SETD7: variants seen among roughly 807,000 people sequenced by gnomAD.
SETD7 encodes histone-lysine N-methyltransferase SETD7.
In SETD7, 16 loss-of-function variants were observed where a neutral mutation model predicts 41.8. The ratio of observed to expected loss-of-function variants is 0.38; its 90% CI spans 0.26 to 0.58. The LOEUF is 0.58. SETD7 is among the 20% of genes least tolerant of loss of function. The pLI, the probability that SETD7 is intolerant of heterozygous loss-of-function variation, is 0.64. For synonymous variants in SETD7, 163 were observed against 169.7 expected (o/e 0.96, Z 0.31); for missense variants, 346 against 459.7 (o/e 0.75, Z 2.26).
At chr4:139,503,179 GAAAA>G (rs11388022), downstream of SETD7, among the ~76,000 whole-genome samples, 3 of 73,160 alleles carry the variant, frequency 4.1e-5, no homozygotes, top group Admixed American at 1.8e-4. Flanking sequence ...CTCTGTCTCA[GAAAA>G]AAAAAAAAAA....
chr4:139,500,205 C>T (rs1378610277), intron 7 of SETD7, among the ~76,000 whole-genome samples: 5 of 152,082 alleles, frequency 3.3e-5, no homozygotes, highest in Non-Finnish European at 7.4e-5. Context: ...ATGCCTAATG[C>T]CATATCTCAG....
chr4:139,551,749 G>A (rs1422915784), intron 1 of SETD7, among the ~76,000 whole-genome samples: 5 of 152,078 alleles, frequency 3.3e-5, no homozygotes, highest in African/African-American at 7.2e-5. Flanking sequence ...GGCCGGGCGC[G>A]GTGGCTCATG....
intron 3 of SETD7, among the ~76,000 whole-genome samples, chr4:139,530,964 C>G (rs1445820181): frequency 6.6e-6 from 1 of 152,082 alleles, no homozygotes; most frequent in East Asian, 1.9e-4. Flanking sequence ...TCTGCTGTAT[C>G]AGGCGTCAGG....
At chr4:139,548,504 C>A (rs187701418) in intron 1 of SETD7, among the ~76,000 whole-genome samples, 295 of 152,178 alleles carry the variant, frequency 1.9e-3, no homozygotes, top group African/African-American at 6.8e-3. Flanking sequence ...TGGTGGCGGA[C>A]GTCTGTAATC....
At chr4:139,521,843 C>T (rs1727187193) in intron 5 of SETD7, among the ~76,000 whole-genome samples, 1 of 152,212 alleles carries the variant, frequency 6.6e-6, no homozygotes, top group Admixed American at 6.5e-5. Flanking sequence ...GGGGCTGTTG[C>T]TCCCTGTTTC....
At chr4:139,530,694 T>C (rs1727461794) in intron 3 of SETD7, among the ~76,000 whole-genome samples, 1 of 152,216 alleles carries the variant, frequency 6.6e-6, no homozygotes, top group Admixed American at 6.5e-5. Flanking sequence ...GTCTCACACC[T>C]TTCCCCTTAA....
intron 7 of SETD7, among the ~76,000 whole-genome samples, chr4:139,517,634 G>A (rs867378499): frequency 9.2e-5 from 14 of 152,176 alleles, no homozygotes; most frequent in East Asian, 3.9e-4. Flanking sequence ...GCAACCCCTC[G>A]GTGTGGTATA....
At chr4:139,532,805 C>A in intron 3 of SETD7, 1 of 306,730 alleles carries the variant, frequency 3.3e-6, no homozygotes, top group East Asian at 7.6e-5. Context: ...GGAAATAAAA[C>A]TAATAGCAAC....
At chr4:139,540,814 CT>C (rs1321992467) in intron 2 of SETD7, among the ~76,000 whole-genome samples, 1 of 152,176 alleles carries the variant, frequency 6.6e-6, no homozygotes, top group African/African-American at 2.4e-5. Flanking sequence ...ACAAAAGAAA[CT>C]TTTGCCGCAT....
At chr4:139,502,277 A>C (rs77778065), downstream of SETD7, among the ~76,000 whole-genome samples, 5 of 152,250 alleles carry the variant, frequency 3.3e-5, no homozygotes, top group Non-Finnish European at 7.3e-5. Flanking sequence ...AACAATCAAC[A>C]TAATATAACT....
chr4:139,537,361 A>C (rs1439123000), intron 2 of SETD7, among the ~76,000 whole-genome samples: 1 of 152,246 alleles, frequency 6.6e-6, no homozygotes, highest in Non-Finnish European at 1.5e-5. Context: ...AAGTGGGTAC[A>C]TAGAAATAGC....
chr4:139,529,222 T>C lies in SETD7; in HGVS notation c.373-2A>G. On this transcript the variant is annotated splice_acceptor_variant, in intron 3 of 7. Transcript: ENST00000274031. LOFTEE classifies it high-confidence loss of function. Reference sequence around the variant, plus strand: ...TTCTCCTACAAGGCTTCCTCCATCCTGATGGGAGAAACCAAAAACCAGAAA... The same window carrying C: ...TTCTCCTACAAGGCTTCCTCCATCCCGATGGGAGAAACCAAAAACCAGAAA... 1 of 1,599,186 alleles carries C rather than the reference T, an allele frequency of 6.3e-7. No homozygotes were observed. The highest frequency in any genetic ancestry group is 8.5e-7 in the Non-Finnish European group (1 of 1,176,040).
intron 4 of SETD7, among the ~76,000 whole-genome samples, chr4:139,525,451 C>A (rs1055957902): frequency 6.6e-6 from 1 of 152,112 alleles, no homozygotes; most frequent in African/African-American, 2.4e-5. Context: ...TGCCCTTTGA[C>A]TAGAATTCAT....
rs760704220 is a variant in SETD7, at chr4:139,533,280, T to C, written c.257A>G (p.Tyr86Cys). 1 of 1,614,174 alleles carries C rather than the reference T, an allele frequency of 6.2e-7. No individual in the cohort carries two copies. Reference sequence around the variant, plus strand: ...TGGACCGTTCAGCTCTCCGTCTACATACGTGCCCTGGAGAACTCCCCCATC... The same window carrying C: ...TGGACCGTTCAGCTCTCCGTCTACACACGTGCCCTGGAGAACTCCCCCATC... The part of the protein sequence containing the change: ...YEDGGVLQGT[Y>C]VDGELNGPAQ... The change falls in exon 3 of 8, where the codon TAT becomes TGT. Residue 86 changes from tyrosine (Y) to cysteine (C), a missense_variant. Around this residue, in one of 3 missense-constraint regions of SETD7, gnomAD observed 266 missense variants for 377.0 expected, o/e 0.71. Coordinates refer to ENST00000274031, the MANE Select transcript of SETD7 (RefSeq NM_030648.4).
At position 139,533,290 on chromosome 4, in the gene SETD7, G is replaced by T; in HGVS notation, c.247C>A (p.Gln83Lys). 1 of 1,614,142 alleles carries T rather than the reference G, an allele frequency of 6.2e-7. No individual in the cohort carries two copies. Among genetic ancestry groups the T allele is most frequent in the Non-Finnish European group, 8.5e-7 (1 of 1,180,006 alleles). ...AGCTCTCCGTCTACATACGTGCCCTGGAGAACTCCCCCATCTTCGTAAGTG... is the reference window on the plus strand; with the variant it reads ...AGCTCTCCGTCTACATACGTGCCCTTGAGAACTCCCCCATCTTCGTAAGTG... Reference protein sequence around the residue: ...VYTYEDGGVLQGTYVDGELNG... With the variant: ...VYTYEDGGVLKGTYVDGELNG... Residue 83 changes from glutamine to lysine, a missense_variant, in exon 3 of 8, where the codon CAG becomes AAG. Physicochemically the swap from Gln to Lys is moderately conservative, Grantham distance 53. Transcript: ENST00000274031.
rs566095224 is a variant in SETD7 at position 139,508,325 on chromosome 4, G to T, written c.*3338C>A. 5 of 152,278 alleles carry T rather than the reference G, an allele frequency of 3.3e-5. No homozygotes were observed. The East Asian group carries it at 5.8e-4, about 18-fold the overall frequency. The allele number at this position is 152,278 out of a possible 1,614,324, so 9.4% of individuals were successfully genotyped here. A position where few individuals can be genotyped will look rare whatever the true frequency, so the allele number is the denominator to read the frequency against. On this transcript the variant is annotated 3_prime_UTR_variant, in exon 8 of 8. Coordinates refer to ENST00000274031, the MANE Select transcript of SETD7 (RefSeq NM_030648.4). ...AATTTCCTTCTTAGTGTCTCAGGTA[G>T]ATCAAGGATGAAGCAAGTTAAAATA...
downstream of SETD7, among the ~76,000 whole-genome samples, chr4:139,502,980 C>T (rs767570501): frequency 4.0e-5 from 6 of 151,860 alleles, no homozygotes; most frequent in South Asian, 2.1e-4. Flanking sequence ...CTCAGGAGTT[C>T]GAGACCAGAC....
chr4:139,501,364 TAA>T (rs1726572660), downstream of SETD7, among the ~76,000 whole-genome samples: 1 of 136,606 alleles, frequency 7.3e-6, no homozygotes, highest in African/African-American at 2.8e-5. Flanking sequence ...TTTTCACTTA[TAA>T]GTGGGAGCTA....
chr4:139,505,136 G>GC (rs1726670096), downstream of SETD7, among the ~76,000 whole-genome samples: 1 of 152,132 alleles, frequency 6.6e-6, no homozygotes, highest in Non-Finnish European at 1.5e-5. Flanking sequence ...GTAAAATAAA[G>GC]CAGGAGATCT....
Sources: allele counts gnomAD v4.1 joint callset (sites outside exome capture counted in the v4.1 genomes callset), GRCh38; gene constraint gnomAD v4.1.1; regional missense constraint gnomAD v4.1.1; transcripts MANE v1.5; gene names NCBI Gene and HGNC (gene_info 2026-07-23, HGNC 2026-07-21).